PRDM16: variants seen among roughly 807,000 people sequenced by gnomAD.
PRDM16 encodes histone-lysine N-methyltransferase PRDM16.
Under a neutral mutation model 110.6 loss-of-function variants are expected in PRDM16, and 23 were observed. The ratio of observed to expected loss-of-function variants is 0.21; its 90% confidence interval spans 0.15 to 0.29. The LOEUF (loss-of-function observed/expected upper bound fraction) is 0.29, where lower values mean the gene tolerates loss of function less well. Ranked by LOEUF, PRDM16 falls within the 10% of genes least tolerant of loss-of-function variation. The probability of loss-of-function intolerance (pLI) is 1.00; values close to 1 mark genes in which losing one functional copy is unlikely to be tolerated. For missense variants in PRDM16, 1,615 were observed against 1,794.3 expected, an observed-to-expected ratio of 0.90 and a Z score of 1.81; for synonymous variants, 799 against 781.8, an observed-to-expected ratio of 1.02 and a Z score of -0.37.
chr1:3,270,678 A>AGAGGAGGACAGTCGGGGAGGACAGTCCCG (rs151010918), intron 3 of PRDM16, among the ~76,000 whole-genome samples: 26,984 of 115,446 alleles, frequency 0.23, 5,867 homozygotes, highest in African/African-American at 0.63. Context: ...GGACAGTCCC[A>AGAGGAGGACAGTCGGGGAGGACAGTCCCG]GAGGAGGACA....
intron 1 of PRDM16, chr1:3,133,077 G>C (rs1643366798): frequency 2.0e-5 from 3 of 152,278 alleles, no homozygotes. Flanking sequence ...CTGGGTGGTG[G>C]TCACTGCCAG....
rs1304905960 is a variant in PRDM16 at position 3,201,615 on chromosome 1, G to A, written c.387+15141G>A. On this transcript the variant is annotated intron_variant, in intron 2 of 16. Transcript: ENST00000270722. The surrounding 1 kb of genome is among the most constrained non-coding windows in gnomAD (Gnocchi z 4.1). ...TTTGCCCCTGAGCATGGCCTCGGGG[G>A]CTGGGAGCCCCGGCTCTGACGTTTC... Among the ~76,000 whole-genome samples, 2 of 152,342 alleles carry A rather than the reference G, an allele frequency of 1.3e-5. No individual in the cohort carries two copies. The highest frequency in any genetic ancestry group is 2.1e-4 in the South Asian group (1 of 4,826).
At chr1:3,393,820 G>A (rs910643855) in intron 4 of PRDM16, among the ~76,000 whole-genome samples, 4 of 152,216 alleles carry the variant, frequency 2.6e-5, no homozygotes, top group Non-Finnish European at 4.4e-5. Flanking sequence ...TCTGACCCCC[G>A]AAGCAGTTGG....
At position 3,406,795 on chromosome 1, in the gene PRDM16, G is replaced by A. The variant is rs551328938; in HGVS notation, c.1186+1147G>A. ...AGAGGTCACCAGGGCCGGGTCCAAG[G>A]GGCCTTGTGGGCCAGTGCAGGGACT... On this transcript the variant is annotated intron_variant, in intron 8 of 16. Coordinates refer to ENST00000270722, the MANE Select transcript of PRDM16 (RefSeq NM_022114.4). 2.2e-4 allele frequency among the ~76,000 whole-genome samples: 33 copies of A among 152,294 alleles called. No homozygotes were observed. In the South Asian group the frequency reaches 4.4e-3, roughly 20 times the overall value.
intron 2 of PRDM16, among the ~76,000 whole-genome samples, chr1:3,231,818 T>A (rs1639424123): frequency 6.6e-6 from 1 of 152,222 alleles, no homozygotes; most frequent in African/African-American, 2.4e-5. Flanking sequence ...GCCTTTCACC[T>A]GCCAGGCCTT....
chr1:3,310,043 TGCAGC>T (rs1641412366), intron 3 of PRDM16: 1 of 152,204 alleles, frequency 6.6e-6, no homozygotes, highest in Non-Finnish European at 1.5e-5. Context: ...CCTTCCTGGG[TGCAGC>T]ACAGACACTT....
intron 12 of PRDM16, among the ~76,000 whole-genome samples, chr1:3,421,264 C>A (rs1475348278): frequency 6.6e-6 from 1 of 152,126 alleles, no homozygotes; most frequent in Non-Finnish European, 1.5e-5. Flanking sequence ...GGCTCGGGGG[C>A]CCTGGCCACC....
At chr1:3,173,083 G>A (rs1644044057) in intron 1 of PRDM16, among the ~76,000 whole-genome samples, 1 of 152,212 alleles carries the variant, frequency 6.6e-6, no homozygotes, top group Non-Finnish European at 1.5e-5. Flanking sequence ...GTTAAGGAGA[G>A]GCACCCCGCT....
chr1:3,364,441 G>A (rs747312460), intron 3 of PRDM16, among the ~76,000 whole-genome samples: 7 of 152,238 alleles, frequency 4.6e-5, no homozygotes, highest in East Asian at 1.9e-4. Context: ...AGGTTAACAC[G>A]GTGACACCCA....
rs60118785 is a variant in PRDM16 at position 3,208,367 on chromosome 1, G to A, written c.387+21893G>A. The A allele has an allele frequency of 0.11, 16,567 of 152,120 alleles. 1,179 individuals are homozygous for A. The highest frequency in any genetic ancestry group is 0.2 in the African/African-American group (8,464 of 41,468). The allele number at this position is 152,120 out of a possible 1,614,324, so 9.4% of individuals were successfully genotyped here. Reference sequence around the variant, plus strand: ...CGAGGCCACCCCGAGTGATGACGACGATTGAAAATGTCTCCAGAGGCCTGA... The same window carrying A: ...CGAGGCCACCCCGAGTGATGACGACAATTGAAAATGTCTCCAGAGGCCTGA... On this transcript the variant is annotated intron_variant, in intron 2 of 16. Coordinates refer to ENST00000270722, the MANE Select transcript of PRDM16 (RefSeq NM_022114.4). The surrounding 1 kb of genome is among the most constrained non-coding windows in gnomAD (Gnocchi z 6.1).
At chr1:3,288,330 C>CCAGG in intron 3 of PRDM16, among the ~76,000 whole-genome samples, 1 of 152,264 alleles carries the variant, frequency 6.6e-6, no homozygotes, top group Non-Finnish European at 1.5e-5. Context: ...AGGGGCAAGG[C>CCAGG]CAGGCAGCTG....
Position 3,358,475 on chromosome 1 carries a change from C to T in PRDM16, c.439-26677C>T, listed in dbSNP as rs1003063388. On this transcript the variant is annotated intron_variant, in intron 3 of 16. Transcript: ENST00000270722. The surrounding 1 kb of genome is among the most constrained non-coding windows in gnomAD (Gnocchi z 4.0). ...TGTCTCCAGAGGCAGCCGCTGCGCC[C>T]CAGACTCCCAGCCGCGGCTTCGGAT... 3.9e-5 allele frequency among the ~76,000 whole-genome samples: 6 copies of T among 152,174 alleles called. No homozygotes were observed. Among genetic ancestry groups the T allele is most frequent in the Admixed American group, 1.3e-4 (2 of 15,282 alleles).
At chr1:3,354,459 CAAA>C (rs59791059) in intron 3 of PRDM16, among the ~76,000 whole-genome samples, 3,459 of 113,208 alleles carry the variant, frequency 0.031, 54 homozygotes, top group Middle Eastern at 0.091. Flanking sequence ...GACTCTGCCT[CAAA>C]AAAAAAAAAA....
intron 1 of PRDM16, among the ~76,000 whole-genome samples, chr1:3,076,093 T>C (rs1168903899): frequency 6.6e-6 from 1 of 152,234 alleles, no homozygotes; most frequent in Non-Finnish European, 1.5e-5. Context: ...CTGAGCCTGC[T>C]GTGAGGGAAC....
chr1:3,248,628 G>A (rs1231662657), intron 3 of PRDM16, among the ~76,000 whole-genome samples: 5 of 152,210 alleles, frequency 3.3e-5, no homozygotes, highest in Non-Finnish European at 7.3e-5. Context: ...TCATTCCGCC[G>A]GAAGAGGGGC....
chr1:3,087,161 G>A (rs1002020390), intron 1 of PRDM16, among the ~76,000 whole-genome samples: 3 of 151,810 alleles, frequency 2.0e-5, no homozygotes, highest in Non-Finnish European at 2.9e-5. Flanking sequence ...GCCTCACCAC[G>A]TGCTGGTCAG....
At chr1:3,082,807 G>A (rs1642061277) in intron 1 of PRDM16, among the ~76,000 whole-genome samples, 3 of 152,216 alleles carry the variant, frequency 2.0e-5, no homozygotes, top group African/African-American at 7.2e-5. Context: ...GGGGGCCTGG[G>A]GGACAGGCGA....
At chr1:3,383,441 C>T (rs1015014886) in intron 3 of PRDM16, among the ~76,000 whole-genome samples, 4 of 152,166 alleles carry the variant, frequency 2.6e-5, no homozygotes, top group Admixed American at 6.5e-5. Context: ...GAAAGAGACT[C>T]GAGGCCCTCT....
chr1:3,217,628 G>A (rs1639059477), intron 2 of PRDM16, among the ~76,000 whole-genome samples: 1 of 152,228 alleles, frequency 6.6e-6, no homozygotes, highest in Admixed American at 6.5e-5. Flanking sequence ...CCCAGCCACT[G>A]TGGCTGAGTG....
Sources: gnomAD v4.1 joint callset for allele counts (sites outside exome capture counted in the v4.1 genomes callset) on GRCh38, gnomAD v4.1.1 for gene constraint, Gnocchi (gnomAD v3.1) non-coding constraint, MANE v1.5 for transcripts, NCBI Gene and HGNC (gene_info 2026-07-23, HGNC 2026-07-21) for gene names.